The following BCL7B variants were observed in gnomAD, a reference collection of about 807,000 sequenced individuals.
BCL7B encodes the protein B-cell CLL/lymphoma 7 protein family member B.
BCL7B carries 11 observed loss-of-function variants against 26.5 expected under a neutral mutation model. That is an observed-to-expected ratio of 0.42 (90% CI 0.26 to 0.69). The LOEUF is 0.69. BCL7B is among the 30% of genes least tolerant of loss of function. The probability of loss-of-function intolerance (pLI) is 0.28; values close to 1 mark genes in which losing one functional copy is unlikely to be tolerated. For synonymous variants in BCL7B, 111 were observed against 107.9 expected, an observed-to-expected ratio of 1.03 and a Z score of -0.18; for missense variants, 215 against 264.4, an observed-to-expected ratio of 0.81 and a Z score of 1.30.
intron 1 of BCL7B, among the ~76,000 whole-genome samples, chr7:73,556,109 C>T (rs1265406929): frequency 6.6e-6 from 1 of 152,082 alleles, no homozygotes; most frequent in African/African-American, 2.4e-5. Context: ...TTCACCAAAA[C>T]CTCGGAGGAT....
intron 2 of BCL7B, among the ~76,000 whole-genome samples, chr7:73,551,368 T>C (rs1300494963): frequency 6.6e-6 from 1 of 152,156 alleles, no homozygotes; most frequent in Non-Finnish European, 1.5e-5. Flanking sequence ...GGCGGGATCT[T>C]GGCTCACTGC....
chr7:73,556,544 G>A (rs1554584733), intron 1 of BCL7B, among the ~76,000 whole-genome samples: 4 of 152,218 alleles, frequency 2.6e-5, no homozygotes, highest in African/African-American at 9.7e-5. Flanking sequence ...GGCTGTGAAA[G>A]TTTAATGTGA....
chr7:73,551,622 C>T (rs1792176898), intron 2 of BCL7B, among the ~76,000 whole-genome samples: 1 of 151,820 alleles, frequency 6.6e-6, no homozygotes, highest in East Asian at 1.9e-4. Flanking sequence ...TCTAATAGAA[C>T]TATACTGACA....
At chr7:73,545,434 C>T (rs1317468915) in intron 2 of BCL7B, among the ~76,000 whole-genome samples, 1 of 152,000 alleles carries the variant, frequency 6.6e-6, no homozygotes, top group Admixed American at 6.6e-5. Flanking sequence ...AGGATGGTCT[C>T]GATCTCCTGG....
chr7:73,553,053 C>G (rs1484556652), intron 1 of BCL7B, among the ~76,000 whole-genome samples: 1 of 151,824 alleles, frequency 6.6e-6, no homozygotes, highest in Admixed American at 6.6e-5. Context: ...TCCTGAGTAG[C>G]TGGGACTAGA....
chr7:73,540,712 T>G lies in BCL7B; in HGVS notation c.266-660A>C, dbSNP rs1746055041. 2.0e-5 allele frequency: 3 copies of G among 148,464 alleles called. 1 individual carries two copies. In the South Asian group the frequency reaches 6.5e-4, roughly 32 times the overall value. The allele number at this position is 148,464 out of a possible 1,614,324, so 9.2% of individuals were successfully genotyped here. A position where few individuals can be genotyped will look rare whatever the true frequency, so the allele number is the denominator to read the frequency against. On this transcript the variant is annotated intron_variant, in intron 3 of 5. Transcript: ENST00000223368. ...GGCTGTGGTGGTGGGCACCTGTAGT[T>G]CCAGCTACTCAGGAGGCTGAGGCAG...
intron 1 of BCL7B, among the ~76,000 whole-genome samples, chr7:73,554,862 G>C (rs575982771): frequency 6.6e-6 from 1 of 150,622 alleles, no homozygotes; most frequent in African/African-American, 2.4e-5. Flanking sequence ...AACAGAAGGA[G>C]CGAATTAAAG....
At chr7:73,554,520 G>A (rs1310681504) in intron 1 of BCL7B, among the ~76,000 whole-genome samples, 2 of 151,784 alleles carry the variant, frequency 1.3e-5, no homozygotes, top group African/African-American at 4.8e-5. Flanking sequence ...TAATAGGGCC[G>A]GGCACGGTGG....
chr7:73,556,582 G>A (rs1322489813), intron 1 of BCL7B, among the ~76,000 whole-genome samples: 1 of 152,214 alleles, frequency 6.6e-6, no homozygotes, highest in Non-Finnish European at 1.5e-5. Flanking sequence ...GATATAGTAT[G>A]TATCGGAGTT....
chr7:73,544,340 G>C (rs1440271374), intron 2 of BCL7B, among the ~76,000 whole-genome samples: 1 of 152,034 alleles, frequency 6.6e-6, no homozygotes, highest in Non-Finnish European at 1.5e-5. Flanking sequence ...AGAATTGCTT[G>C]AGGTGGAGGT....
In BCL7B at chr7:73,557,590, G is replaced by A; in HGVS notation, c.-12C>T. On this transcript the variant is annotated 5_prime_UTR_variant, in exon 1 of 6. Coordinates refer to ENST00000223368, the MANE Select transcript of BCL7B (RefSeq NM_001707.4). ...GACCGGCCCGACATGGCGGCGGCGG[G>A]AGCGGCGGGGGCCGGGGCACTGCTC... is the stretch of plus-strand genomic sequence containing the variant. 1 of 1,291,350 alleles carries A rather than the reference G, an allele frequency of 7.7e-7. No homozygotes were observed. Among genetic ancestry groups the A allele is most frequent in the Non-Finnish European group, 9.9e-7 (1 of 1,005,726 alleles). 80.0% of individuals were successfully genotyped at this position (1,291,350 alleles called of 1,614,324 possible).
chr7:73,551,595 C>T (rs1024167320), intron 2 of BCL7B, among the ~76,000 whole-genome samples: 7 of 152,140 alleles, frequency 4.6e-5, no homozygotes, highest in Admixed American at 2.6e-4. Context: ...TGAGCCACCA[C>T]GCCCAGCCAG....
intron 2 of BCL7B, among the ~76,000 whole-genome samples, chr7:73,547,278 T>G (rs558484258): frequency 6.6e-6 from 1 of 151,848 alleles, no homozygotes; most frequent in East Asian, 1.9e-4. Flanking sequence ...GCCTGGGAAA[T>G]ACAGCAAGAC....
In BCL7B at chr7:73,537,310, C is replaced by T. The variant is rs142166738; in HGVS notation, c.597G>A (p.Ala199=). The T allele has an allele frequency of 5.6e-6, 9 of 1,614,034 alleles. No individual in the cohort carries two copies. The highest frequency in any genetic ancestry group is 1.7e-4 in the Middle Eastern group (1 of 6,058). ...GGCCGGGATGGTGCTAGCTTTCTGA[C>T]GCCGTCTGCGGCACTGTGGGTTGGT... ...CVDQPTVPQT[A]SES Residue 199 remains alanine, a synonymous_variant, in exon 6 of 6, where the codon GCG becomes GCA. Coordinates refer to ENST00000223368, the MANE Select transcript of BCL7B (RefSeq NM_001707.4).
Position 73,539,879 on chromosome 7 carries a change from C to T in BCL7B, c.436+3G>A, listed in dbSNP as rs1488744391. On this transcript the variant is annotated splice_donor_region_variant and intron_variant, in intron 4 of 5. Transcript: ENST00000223368. ...AACTCATCCTCGGCCAACCACGACT[C>T]ACCCTCCAGGATCTCCTGGCCCAGC... 2.5e-6 allele frequency: 4 copies of T among 1,611,972 alleles called. No homozygotes were observed. The highest frequency in any genetic ancestry group is 3.4e-6 in the Non-Finnish European group (4 of 1,179,170).
At chr7:73,546,817 C>T (rs1396147527) in intron 2 of BCL7B, among the ~76,000 whole-genome samples, 1 of 152,166 alleles carries the variant, frequency 6.6e-6, no homozygotes, top group Admixed American at 6.6e-5. Context: ...CGTTGAGAAA[C>T]TCAGAATGCA....
intron 1 of BCL7B, chr7:73,557,252 G>GCGCGGCAGCAGC: frequency 2.7e-6 from 3 of 1,109,036 alleles, no homozygotes; most frequent in Non-Finnish European, 3.3e-6. Flanking sequence ...CCCAGGCGGC[G>GCGCGGCAGCAGC]CGCGGCAGCA....
intron 2 of BCL7B, among the ~76,000 whole-genome samples, chr7:73,546,167 T>G (rs1583993399): frequency 6.8e-6 from 1 of 146,766 alleles, no homozygotes; most frequent in African/African-American, 2.5e-5. Flanking sequence ...AAACTACGGA[T>G]CAGGCTTCCG....
intron 2 of BCL7B, among the ~76,000 whole-genome samples, chr7:73,545,284 C>A (rs782323110): frequency 3.3e-5 from 5 of 152,184 alleles, no homozygotes; most frequent in Non-Finnish European, 5.9e-5. Context: ...ACAATCTCGG[C>A]TCACTGCAAG....
Sources: gnomAD v4.1 joint callset for allele counts (sites outside exome capture counted in the v4.1 genomes callset) on GRCh38, gnomAD v4.1.1 for gene constraint, MANE v1.5 for transcripts, NCBI Gene and HGNC (gene_info 2026-07-23, HGNC 2026-07-21) for gene names.